The following PIBF1 variants were observed in gnomAD, a reference collection of about 807,000 sequenced individuals.
PIBF1 encodes the protein progesterone-induced-blocking factor 1.
A neutral mutation model predicts 112.5 loss-of-function variants in PIBF1; 90 were observed. The observed-to-expected ratio is 0.80, with a 90% CI of 0.67 to 0.95. PIBF1 has a LOEUF of 0.95. Ranked by LOEUF, PIBF1 falls within the 40% of genes least tolerant of loss-of-function variation. The pLI, the probability that PIBF1 is intolerant of heterozygous loss-of-function variation, is 0.00. For synonymous variants in PIBF1, 301 were observed against 288.6 expected, an observed-to-expected ratio of 1.04 and a Z score of -0.44; for missense variants, 915 against 852.3, an observed-to-expected ratio of 1.07 and a Z score of -0.92.
intron 16 of PIBF1, among the ~76,000 whole-genome samples, chr13:72,979,696 G>A (rs2043108345): frequency 6.6e-6 from 1 of 152,122 alleles, no homozygotes; most frequent in African/African-American, 2.4e-5. Flanking sequence ...GGCCGAGGCG[G>A]GCAGATCACA....
chr13:72,835,300 A>G lies in PIBF1; in HGVS notation c.1155A>G (p.Arg385=). 6.3e-7 allele frequency: 1 copy of G among 1,599,654 alleles called. No homozygotes were observed. The highest frequency in any genetic ancestry group is 8.5e-7 in the Non-Finnish European group (1 of 1,173,198). The change falls in exon 9 of 18, where the codon AGA becomes AGG. Residue 385 remains arginine, a synonymous_variant. Coordinates refer to ENST00000326291, the MANE Select transcript of PIBF1 (RefSeq NM_006346.4). ...NKLHDELEQI[R]LKTNQEIDQL... ...TACATGATGAACTAGAACAAATCAG[A>G]TTGAAAACCAACCAAGAAATTGATC...
intron 10 of PIBF1, among the ~76,000 whole-genome samples, chr13:72,890,277 C>T (rs1566410256): frequency 6.6e-6 from 1 of 152,160 alleles, no homozygotes; most frequent in South Asian, 2.1e-4. Context: ...ACATGTCCTG[C>T]TACTGGGAGT....
chr13:72,828,755 G>T (rs924564942), intron 8 of PIBF1, among the ~76,000 whole-genome samples: 6 of 152,144 alleles, frequency 3.9e-5, no homozygotes, highest in Non-Finnish European at 7.3e-5. Flanking sequence ...GTGTGCATGT[G>T]TCTTTTATGT....
chr13:72,977,050 C>CT (rs1187660058), intron 16 of PIBF1, among the ~76,000 whole-genome samples: 2 of 152,134 alleles, frequency 1.3e-5, no homozygotes, highest in Admixed American at 6.5e-5. Context: ...GGAAAATTAT[C>CT]TGATACCAGT....
intron 10 of PIBF1, among the ~76,000 whole-genome samples, chr13:72,870,292 C>T (rs944825372): frequency 6.6e-6 from 1 of 152,114 alleles, no homozygotes; most frequent in Non-Finnish European, 1.5e-5. Context: ...TTTAATGTTG[C>T]TTGCCTTGTT....
intron 17 of PIBF1, among the ~76,000 whole-genome samples, chr13:73,004,489 C>CA (rs56073630): frequency 0.11 from 15,720 of 136,830 alleles, 2,525 homozygotes; most frequent in African/African-American, 0.37. Flanking sequence ...GATTCTGTCT[C>CA]AAAAAAAAAA....
chr13:72,816,206 T>G (rs985915618), intron 5 of PIBF1, among the ~76,000 whole-genome samples: 1 of 152,166 alleles, frequency 6.6e-6, no homozygotes, highest in South Asian at 2.1e-4. Context: ...AATGAATCAG[T>G]TAGTATACAC....
intron 10 of PIBF1, among the ~76,000 whole-genome samples, chr13:72,879,057 A>C (rs1429166119): frequency 1.3e-5 from 2 of 152,106 alleles, no homozygotes; most frequent in Non-Finnish European, 2.9e-5. Flanking sequence ...TAATCTATTA[A>C]TTGGTGAATT....
At chr13:72,910,286 CTT>C (rs1286938789) in intron 12 of PIBF1, among the ~76,000 whole-genome samples, 3 of 152,140 alleles carry the variant, frequency 2.0e-5, no homozygotes, top group African/African-American at 7.2e-5. Context: ...GCTTTAATGA[CTT>C]TTATTGTCTT....
At chr13:72,792,949 T>A (rs1418335649) in intron 3 of PIBF1, among the ~76,000 whole-genome samples, 1 of 152,208 alleles carries the variant, frequency 6.6e-6, no homozygotes, top group East Asian at 1.9e-4. Context: ...AATATGCCTA[T>A]GGCAATTATA....
chr13:72,980,039 G>A (rs887706828), intron 16 of PIBF1, among the ~76,000 whole-genome samples: 1 of 152,178 alleles, frequency 6.6e-6, no homozygotes, highest in Non-Finnish European at 1.5e-5. Context: ...TTTGGCTTGT[G>A]TCTTTAGTGG....
At chr13:72,937,388 T>C (rs2041898632) in intron 14 of PIBF1, among the ~76,000 whole-genome samples, 2 of 152,244 alleles carry the variant, frequency 1.3e-5, no homozygotes, top group Non-Finnish European at 2.9e-5. Flanking sequence ...CCAAGTGATA[T>C]TTAGTAAAAC....
intron 2 of PIBF1, among the ~76,000 whole-genome samples, chr13:72,790,202 T>C (rs1000069100): frequency 2.0e-5 from 3 of 152,100 alleles, no homozygotes; most frequent in African/African-American, 4.8e-5. Flanking sequence ...GATTTCTGTA[T>C]TCAAAATGGC....
At chr13:72,911,020 A>C (rs2040875150) in intron 12 of PIBF1, among the ~76,000 whole-genome samples, 1 of 152,070 alleles carries the variant, frequency 6.6e-6, no homozygotes, top group East Asian at 1.9e-4. Flanking sequence ...AGCAATCTTG[A>C]AAAAAGTTGA....
At chr13:72,881,732 A>C (rs2039645815) in intron 10 of PIBF1, among the ~76,000 whole-genome samples, 1 of 151,594 alleles carries the variant, frequency 6.6e-6, no homozygotes, top group Admixed American at 6.6e-5. Context: ...AAAAAAAAAA[A>C]GTAAAAGATC....
At chr13:72,884,315 T>A (rs762329496) in intron 10 of PIBF1, 3 of 152,182 alleles carry the variant, frequency 2.0e-5, no homozygotes, top group Non-Finnish European at 2.9e-5. Context: ...CCTTTAAAGT[T>A]CATCACTGGC....
intron 5 of PIBF1, among the ~76,000 whole-genome samples, chr13:72,806,374 C>CTTTTTTTT (rs397830007): frequency 6.8e-6 from 1 of 146,644 alleles, no homozygotes. Flanking sequence ...ACAGAATTTT[C>CTTTTTTTT]TTTTTTTTTT....
chr13:72,908,287 A>C (rs1429896188), intron 11 of PIBF1, among the ~76,000 whole-genome samples: 1 of 152,164 alleles, frequency 6.6e-6, no homozygotes, highest in Non-Finnish European at 1.5e-5. Flanking sequence ...CTAATTTTAA[A>C]TTCATTTTTT....
chr13:72,968,081 G>A (rs2042793697), intron 15 of PIBF1, among the ~76,000 whole-genome samples: 1 of 151,598 alleles, frequency 6.6e-6, no homozygotes, highest in Non-Finnish European at 1.5e-5. Flanking sequence ...CTACTCGGGA[G>A]GCTGAGGCAG....
Sources: allele counts gnomAD v4.1 joint callset (sites outside exome capture counted in the v4.1 genomes callset), GRCh38; gene constraint gnomAD v4.1.1; transcripts MANE v1.5; gene names NCBI Gene and HGNC (gene_info 2026-07-23, HGNC 2026-07-21).